HS3ST4: variants seen among roughly 807,000 people sequenced by gnomAD.
The protein encoded by HS3ST4 is heparan sulfate glucosamine 3-O-sulfotransferase 4.
In HS3ST4, 17 loss-of-function variants were observed where a neutral mutation model predicts 29.2. The ratio of observed to expected loss-of-function variants is 0.58; its 90% CI spans 0.40 to 0.87. HS3ST4 has a LOEUF of 0.87. Among genes scored for constraint, HS3ST4 ranks in the 40% least tolerant of loss-of-function variants. The pLI is 0.00. For missense variants in HS3ST4, 627 were observed against 634.5 expected, an observed-to-expected ratio of 0.99 and a Z score of 0.13; for synonymous variants, 314 against 285.7, an observed-to-expected ratio of 1.10 and a Z score of -1.00.
intron 1 of HS3ST4, among the ~76,000 whole-genome samples, chr16:25,918,261 C>T (rs1451530093): frequency 2.0e-5 from 3 of 152,118 alleles, no homozygotes; most frequent in Non-Finnish European, 4.4e-5. Flanking sequence ...AGGAAGGGCA[C>T]GTCTTATTGT....
chr16:25,794,803 A>C (rs1312310219), intron 1 of HS3ST4, among the ~76,000 whole-genome samples: 1 of 150,972 alleles, frequency 6.6e-6, no homozygotes, highest in African/African-American at 2.4e-5. Context: ...GAAAATTCTG[A>C]GTTATTATCT....
intron 1 of HS3ST4, among the ~76,000 whole-genome samples, chr16:25,729,830 G>A (rs1225599928): frequency 6.6e-6 from 1 of 152,182 alleles, no homozygotes; most frequent in African/African-American, 2.4e-5. Flanking sequence ...AGAAGGATAA[G>A]AGGACCGAGC....
At chr16:26,042,254 A>T (rs143846722) in intron 1 of HS3ST4, among the ~76,000 whole-genome samples, 2,249 of 152,326 alleles carry the variant, frequency 0.015, 21 homozygotes, top group Non-Finnish European at 0.025. Flanking sequence ...TTTAACTCTG[A>T]AATTAGTCAA....
Position 25,927,711 on chromosome 16 carries a change from G to A in HS3ST4, c.735-207901G>A, listed in dbSNP as rs567839642. 3.1e-3 allele frequency among the ~76,000 whole-genome samples: 470 copies of A among 150,754 alleles called. 1 individual carries two copies. The highest frequency in any genetic ancestry group is 5.5e-3 in the Non-Finnish European group (371 of 67,694). Reference sequence around the variant, plus strand: ...TGTTTTTCTGTTTTTTTTTTTCCCCGATTTTTCGGATTTATAAAAAGAAGC... The same window carrying A: ...TGTTTTTCTGTTTTTTTTTTTCCCCAATTTTTCGGATTTATAAAAAGAAGC... On this transcript the variant is annotated intron_variant, in intron 1 of 1. Coordinates refer to ENST00000331351, the MANE Select transcript of HS3ST4 (RefSeq NM_006040.3).
intron 1 of HS3ST4, among the ~76,000 whole-genome samples, chr16:26,087,631 A>G (rs948998700): frequency 2.0e-5 from 3 of 152,182 alleles, no homozygotes; most frequent in Admixed American, 6.5e-5. Context: ...GATTATTGCA[A>G]TAAGGCTGAG....
At chr16:25,697,452 G>T (rs1365499799) in intron 1 of HS3ST4, among the ~76,000 whole-genome samples, 1 of 152,186 alleles carries the variant, frequency 6.6e-6, no homozygotes, top group African/African-American at 2.4e-5. Flanking sequence ...AATAATTTTA[G>T]ATTGCTTACA....
At chr16:26,031,704 G>GGTT (rs1567297830) in intron 1 of HS3ST4, among the ~76,000 whole-genome samples, 2 of 141,906 alleles carry the variant, frequency 1.4e-5, no homozygotes, top group Non-Finnish European at 3.1e-5. Context: ...ATGGAGGCGT[G>GGTT]TTTTTTTTTT....
intron 1 of HS3ST4, among the ~76,000 whole-genome samples, chr16:25,923,244 G>T (rs1968371847): frequency 6.6e-6 from 1 of 152,190 alleles, no homozygotes; most frequent in South Asian, 2.1e-4. Flanking sequence ...TTTCTTGTGA[G>T]TTTTTTGAAC....
At chr16:25,994,072 G>T (rs577342635) in intron 1 of HS3ST4, among the ~76,000 whole-genome samples, 218 of 151,350 alleles carry the variant, frequency 1.4e-3, no homozygotes, top group Middle Eastern at 3.4e-3. Context: ...ATCCCATCAT[G>T]GGTAACCATC....
At chr16:25,754,616 G>A (rs1227254390) in intron 1 of HS3ST4, among the ~76,000 whole-genome samples, 1 of 152,030 alleles carries the variant, frequency 6.6e-6, no homozygotes, top group African/African-American at 2.4e-5. Context: ...AACAATCATG[G>A]CAAAAAGCAC....
chr16:25,789,536 T>C (rs1483911971), intron 1 of HS3ST4, among the ~76,000 whole-genome samples: 1 of 151,646 alleles, frequency 6.6e-6, no homozygotes, highest in African/African-American at 2.4e-5. Flanking sequence ...TCCTCCTCTT[T>C]TTTTCTTCTT....
intron 1 of HS3ST4, among the ~76,000 whole-genome samples, chr16:25,923,191 TTC>T (rs1268535392): frequency 6.6e-6 from 1 of 152,220 alleles, no homozygotes; most frequent in Non-Finnish European, 1.5e-5. Context: ...ACTGTTCAAA[TTC>T]TAGTTTTCTC....
chr16:25,986,243 G>A (rs1567287892), intron 1 of HS3ST4, among the ~76,000 whole-genome samples: 1 of 152,148 alleles, frequency 6.6e-6, no homozygotes, highest in Non-Finnish European at 1.5e-5. Flanking sequence ...TTCCAGGAGA[G>A]TAGGTTGCTT....
intron 1 of HS3ST4, among the ~76,000 whole-genome samples, chr16:25,734,546 C>G (rs1490520993): frequency 1.3e-5 from 2 of 152,160 alleles, no homozygotes. Flanking sequence ...TTTCCGGGCA[C>G]TCTGTGAGGT....
At chr16:25,875,158 C>G (rs1381916756) in intron 1 of HS3ST4, among the ~76,000 whole-genome samples, 1 of 152,130 alleles carries the variant, frequency 6.6e-6, no homozygotes, top group Non-Finnish European at 1.5e-5. Context: ...GCTGAACAAC[C>G]AGATAACCAA....
At chr16:25,904,548 T>G (rs1968160872) in intron 1 of HS3ST4, among the ~76,000 whole-genome samples, 1 of 152,218 alleles carries the variant, frequency 6.6e-6, no homozygotes, top group Admixed American at 6.5e-5. Context: ...GCACTTTCAC[T>G]GGCTTGTGGG....
intron 1 of HS3ST4, among the ~76,000 whole-genome samples, chr16:25,897,505 G>A (rs761827333): frequency 8.5e-5 from 13 of 152,136 alleles, no homozygotes; most frequent in South Asian, 2.1e-4. Context: ...GGACACAGAC[G>A]GGCTGGCTAC....
intron 1 of HS3ST4, among the ~76,000 whole-genome samples, chr16:26,119,052 CGTTAG>C (rs940941188): frequency 3.3e-4 from 51 of 152,306 alleles, no homozygotes; most frequent in African/African-American, 1.1e-3. Context: ...TTATTCTTAT[CGTTAG>C]AGTATTCATT....
At chr16:25,722,175 C>T (rs1966501739) in intron 1 of HS3ST4, among the ~76,000 whole-genome samples, 1 of 152,164 alleles carries the variant, frequency 6.6e-6, no homozygotes, top group East Asian at 1.9e-4. Context: ...TAAAACTACT[C>T]AATTAATTCT....
Sources: gnomAD v4.1 joint callset for allele counts (sites outside exome capture counted in the v4.1 genomes callset) on GRCh38, gnomAD v4.1.1 for gene constraint, MANE v1.5 for transcripts, NCBI Gene and HGNC (gene_info 2026-07-23, HGNC 2026-07-21) for gene names.